MACROD2: variants seen among roughly 807,000 people sequenced by gnomAD.
MACROD2 encodes the protein mono-ADP ribosylhydrolase 2.
A neutral mutation model predicts 70.4 loss-of-function variants in MACROD2; 36 were observed. The ratio of observed to expected loss-of-function variants is 0.51; its 90% CI spans 0.39 to 0.68. The LOEUF (loss-of-function observed/expected upper bound fraction) is 0.68, where lower values mean the gene tolerates loss of function less well. MACROD2 is among the 30% of genes least tolerant of loss of function. MACROD2 has a pLI of 0.00. For missense variants in MACROD2, 496 were observed against 538.4 expected (o/e 0.92, Z 0.78); for synonymous variants, 172 against 178.8 (o/e 0.96, Z 0.30).
chr20:15,129,451 G>A (rs1451273094), intron 5 of MACROD2, among the ~76,000 whole-genome samples: 2 of 151,980 alleles, frequency 1.3e-5, no homozygotes, highest in Non-Finnish European at 2.9e-5. Flanking sequence ...AGATTTACAT[G>A]GCATGGCTCA....
chr20:14,046,664 C>T (rs1429597216), intron 2 of MACROD2, among the ~76,000 whole-genome samples: 5 of 152,026 alleles, frequency 3.3e-5, no homozygotes, highest in South Asian at 2.1e-4. Flanking sequence ...TGTCTCTGTA[C>T]GTCATCACTT....
intron 4 of MACROD2, among the ~76,000 whole-genome samples, chr20:14,597,512 C>T (rs1164893548): frequency 6.6e-6 from 1 of 152,144 alleles, no homozygotes; most frequent in East Asian, 1.9e-4. Context: ...AATCTGGAAT[C>T]ATTTTAGAAG....
chr20:15,786,936 G>A (rs912650594), intron 8 of MACROD2, among the ~76,000 whole-genome samples: 11 of 152,082 alleles, frequency 7.2e-5, no homozygotes, highest in African/African-American at 2.7e-4. Context: ...ATCCCATACT[G>A]TAGGAATAAA....
At chr20:15,206,715 A>T (rs1319309055) in intron 5 of MACROD2, among the ~76,000 whole-genome samples, 3 of 71,246 alleles carry the variant, frequency 4.2e-5, no homozygotes, top group Admixed American at 1.5e-4. Flanking sequence ...CTTTCATATT[A>T]TCTATGTTTT....
At chr20:14,644,420 T>C (rs139796226) in intron 4 of MACROD2, among the ~76,000 whole-genome samples, 3 of 152,324 alleles carry the variant, frequency 2.0e-5, no homozygotes, top group Non-Finnish European at 2.9e-5. Context: ...AAATTAAAAA[T>C]TTGGATCCAT....
chr20:14,315,125 A>C (rs2082602334), intron 3 of MACROD2, among the ~76,000 whole-genome samples: 1 of 152,226 alleles, frequency 6.6e-6, no homozygotes, highest in Admixed American at 6.5e-5. Context: ...TAGAAAAGGC[A>C]GGAGATCTGG....
chr20:14,682,473 C>A (rs1297816012), intron 4 of MACROD2, among the ~76,000 whole-genome samples: 3 of 150,670 alleles, frequency 2.0e-5, no homozygotes, highest in African/African-American at 7.3e-5. Context: ...ATATATATAT[C>A]CATATATATG....
At chr20:14,083,138 AAAG>A (rs918717797) in intron 2 of MACROD2, among the ~76,000 whole-genome samples, 9 of 151,630 alleles carry the variant, frequency 5.9e-5, no homozygotes, top group African/African-American at 2.2e-4. Flanking sequence ...AAAAAAAAAA[AAAG>A]GTAGTTTTGG....
intron 2 of MACROD2, among the ~76,000 whole-genome samples, chr20:14,071,468 G>C (rs1159157842): frequency 6.6e-6 from 1 of 151,730 alleles, no homozygotes. Context: ...CACCATGTTA[G>C]CCAGGATGGT....
intron 8 of MACROD2, among the ~76,000 whole-genome samples, chr20:15,648,471 T>C (rs922035747): frequency 6.6e-5 from 10 of 152,210 alleles, no homozygotes; most frequent in Admixed American, 6.5e-4. Context: ...CTTATCATTG[T>C]GGCCTTCCCT....
At chr20:15,877,789 A>G (rs1049939280) in intron 9 of MACROD2, among the ~76,000 whole-genome samples, 4 of 152,192 alleles carry the variant, frequency 2.6e-5, no homozygotes, top group African/African-American at 7.2e-5. Context: ...GGAGTGCACA[A>G]GAAGCCTGTG....
At chr20:15,775,787 G>C (rs973528456) in intron 8 of MACROD2, among the ~76,000 whole-genome samples, 1 of 152,140 alleles carries the variant, frequency 6.6e-6, no homozygotes, top group African/African-American at 2.4e-5. Context: ...CCCTTGAACA[G>C]ACTGCCATAT....
chr20:15,365,621 A>C (rs2045398286), intron 6 of MACROD2, among the ~76,000 whole-genome samples: 1 of 151,818 alleles, frequency 6.6e-6, no homozygotes, highest in African/African-American at 2.4e-5. Context: ...AGATCGCACC[A>C]CTGCACTCCA....
chr20:14,582,571 G>T (rs1021557086), intron 4 of MACROD2, among the ~76,000 whole-genome samples: 1 of 152,086 alleles, frequency 6.6e-6, no homozygotes, highest in Non-Finnish European at 1.5e-5. Context: ...AATATTAAAT[G>T]GAATGGGAGA....
Position 16,041,175 on chromosome 20 carries a change from G to T in MACROD2, c.1154-26G>T, listed in dbSNP as rs747764652. ...GGCTGTTATAATTCTCTATTCATCAGGGACTGTGGTCTTTTTCTCTTCCAG... is the reference window on the plus strand; with the variant it reads ...GGCTGTTATAATTCTCTATTCATCATGGACTGTGGTCTTTTTCTCTTCCAG... On this transcript the variant is annotated intron_variant, in intron 15 of 17. Transcript: ENST00000684519. 1.9e-6 allele frequency: 3 copies of T among 1,599,252 alleles called. No individual in the cohort carries two copies. In the South Asian group the frequency reaches 3.3e-5, roughly 18 times the overall value.
At chr20:14,454,429 T>C (rs1249336567) in intron 3 of MACROD2, among the ~76,000 whole-genome samples, 1 of 151,534 alleles carries the variant, frequency 6.6e-6, no homozygotes, top group Non-Finnish European at 1.5e-5. Flanking sequence ...TTTTTTTTTT[T>C]GTTTGTTTTC....
chr20:14,355,481 T>C (rs1291403799), intron 3 of MACROD2, among the ~76,000 whole-genome samples: 3 of 152,256 alleles, frequency 2.0e-5, no homozygotes, highest in African/African-American at 7.2e-5. Context: ...ATTTAAAAGA[T>C]AAAAAAGTGG....
At chr20:15,181,638 T>C (rs1450764164) in intron 5 of MACROD2, among the ~76,000 whole-genome samples, 1 of 152,188 alleles carries the variant, frequency 6.6e-6, no homozygotes, top group Non-Finnish European at 1.5e-5. Flanking sequence ...TATTTTGTTG[T>C]TGTATTTGGA....
intron 5 of MACROD2, among the ~76,000 whole-genome samples, chr20:14,821,204 ACTT>A (rs2122208410): frequency 6.6e-6 from 1 of 152,114 alleles, no homozygotes; most frequent in South Asian, 2.1e-4. Flanking sequence ...AAAAATGATG[ACTT>A]CTTTTTTTCA....
Sources: allele counts gnomAD v4.1 joint callset (sites outside exome capture counted in the v4.1 genomes callset), GRCh38; gene constraint gnomAD v4.1.1; transcripts MANE v1.5; gene names NCBI Gene and HGNC (gene_info 2026-07-23, HGNC 2026-07-21).